ABCA6: variants seen among roughly 807,000 people sequenced by gnomAD.
ABCA6 encodes the protein ATP binding cassette subfamily A member 6.
A neutral mutation model predicts 191.2 loss-of-function variants in ABCA6; 164 were observed. The observed-to-expected ratio is 0.86, with a 90% confidence interval of 0.76 to 0.98. The LOEUF is 0.98. ABCA6 is among the 50% of genes least tolerant of loss of function. The pLI, the probability that ABCA6 is intolerant of heterozygous loss-of-function variation, is 0.00. For synonymous variants in ABCA6, 636 were observed against 647.7 expected (o/e 0.98, Z 0.27); for missense variants, 1,958 against 1,894.1 (o/e 1.03, Z -0.63).
intron 23 of ABCA6, 127 bp from the exon 24 acceptor site, chr17:69,096,928 A>G: frequency 2.6e-6 from 2 of 767,434 alleles, no homozygotes; most frequent in Non-Finnish European, 3.9e-6. Context: ...ATATTAAAAA[A>G]AATTATGCAT....
chr17:69,139,547 C>T (rs2073997710), intron 2 of ABCA6, among the ~76,000 whole-genome samples: 1 of 152,110 alleles, frequency 6.6e-6, no homozygotes, highest in Non-Finnish European at 1.5e-5. Context: ...GGTGATTCCT[C>T]AGGGATCTAG....
rs543368199 is a variant in ABCA6, at chr17:69,129,748, G to A, written c.795C>T (p.Leu265=). The change falls in exon 7 of 39, where the codon CTC becomes CTT. Residue 265 remains leucine (L), a synonymous_variant. Coordinates refer to ENST00000284425, the MANE Select transcript of ABCA6 (RefSeq NM_080284.3). ...MMGLQDSAFW[L]SWGLIYAGFI... ...AGCCAGCATAGATTAGACCCCAGGA[G>A]AGCCTAAATAAAGACAAAAAGTTAT... 7.0e-6 allele frequency: 11 copies of A among 1,574,000 alleles called. No homozygotes were observed. The East Asian group carries it at 2.2e-4, about 32-fold the overall frequency.
chr17:69,114,952 TA>T lies in ABCA6; in HGVS notation c.1607-16del. On this transcript the variant is annotated splice_polypyrimidine_tract_variant and intron_variant, in intron 12 of 38. Transcript: ENST00000284425. ...GGTAACTGATCCTAAGAATAGAAGTTAAAAATAAAATTGGCAAGATAATACA... is the reference window on the plus strand; with the variant it reads ...GGTAACTGATCCTAAGAATAGAAGTTAAAATAAAATTGGCAAGATAATACA... 1 of 1,569,914 alleles carries T rather than the reference TA, an allele frequency of 6.4e-7. No homozygotes were observed. Among genetic ancestry groups the T allele is most frequent in the Non-Finnish European group, 8.7e-7 (1 of 1,154,382 alleles).
At chr17:69,081,873 CTT>C (rs917324848) in intron 36 of ABCA6, among the ~76,000 whole-genome samples, 4 of 152,206 alleles carry the variant, frequency 2.6e-5, no homozygotes, top group Non-Finnish European at 5.9e-5. Flanking sequence ...ACATAAAACA[CTT>C]TAACAAAATA....
intron 23 of ABCA6, 101 bp downstream of exon 23, chr17:69,097,819 A>G (rs985393963): frequency 9.0e-6 from 7 of 775,218 alleles, no homozygotes; most frequent in South Asian, 2.4e-5. Flanking sequence ...TTAAACATAC[A>G]TTCAAATGTT....
Position 69,084,346 on chromosome 17 carries a change from C to G in ABCA6, c.4270G>C (p.Val1424Leu). 6.2e-7 allele frequency: 1 copy of G among 1,614,146 alleles called. No individual in the cohort carries two copies. Among genetic ancestry groups the G allele is most frequent in the Non-Finnish European group, 8.5e-7 (1 of 1,180,016 alleles). The change falls in exon 34 of 39, where the codon GTG becomes CTG. Residue 1424 changes from valine (V) to leucine (L), a missense_variant. Val to Leu is a conservative substitution (Grantham distance 32). Transcript: ENST00000284425. Reference sequence around the variant, plus strand: ...GGTGAGTTTCCCAGGAGGCTCAGCACAAAACACAACTGCAATGTAGAAAAA... The same window carrying G: ...GGTGAGTTTCCCAGGAGGCTCAGCAGAAAACACAACTGCAATGTAGAAAAA... ...TAGITRKLCF[V>L]LSLLGNSPVL... is the part of the protein sequence containing the mutation.
chr17:69,107,029 T>C (rs2073321890), intron 18 of ABCA6, among the ~76,000 whole-genome samples: 1 of 152,168 alleles, frequency 6.6e-6, no homozygotes, highest in South Asian at 2.1e-4. Context: ...TACTAAGGTA[T>C]CAATCATTTA....
chr17:69,112,382 C>G, intron 15 of ABCA6, 109 bp from the exon 16 acceptor site: 1 of 766,466 alleles, frequency 1.3e-6, no homozygotes, highest in Non-Finnish European at 2.2e-6. Flanking sequence ...AAGTATTCAA[C>G]AGGGTATAAC....
intron 36 of ABCA6, among the ~76,000 whole-genome samples, chr17:69,082,220 T>C (rs1039625418): frequency 6.6e-6 from 1 of 152,114 alleles, no homozygotes; most frequent in Non-Finnish European, 1.5e-5. Flanking sequence ...AATAAAATAG[T>C]AGCTTTTATG....
chr17:69,096,922 TAA>T, intron 23 of ABCA6, 121 bp from the exon 24 acceptor site: 1 of 828,390 alleles, frequency 1.2e-6, no homozygotes. Context: ...CTTCTAATAT[TAA>T]AAAAAATTAT....
chr17:69,085,865 G>A, intron 30 of ABCA6, 149 bp from the exon 31 acceptor site: 1 of 596,138 alleles, frequency 1.7e-6, no homozygotes, highest in South Asian at 2.2e-5. Flanking sequence ...CGTCACCAAA[G>A]CATGTTCTTT....
intron 16 of ABCA6, 65 bp downstream of exon 16, chr17:69,112,118 T>C: frequency 2.5e-6 from 3 of 1,193,304 alleles, no homozygotes; most frequent in South Asian, 2.5e-5. Context: ...GTTTCATAAT[T>C]GTCCACCTTT....
In ABCA6 at chr17:69,082,969, T is replaced by C; in HGVS notation, c.4520A>G (p.Asp1507Gly). ...CTTCACTTTTAGCTCTAGAATGTAA[T>C]CCTTGCCAAGTTTGTTTTTCAGGTG... Reference protein sequence around the residue: ...IQHLKNKLGKDYILELKVKET... With the variant: ...IQHLKNKLGKGYILELKVKET... The change falls in exon 36 of 39, where the codon GAT (aspartate) becomes GGT (glycine). Residue 1507 changes from aspartate to glycine, a missense_variant. By Grantham distance (94) the Asp-to-Gly change is moderately conservative. Transcript: ENST00000284425. 6.8e-6 allele frequency: 11 copies of C among 1,614,192 alleles called. No individual in the cohort carries two copies. Among genetic ancestry groups the C allele is most frequent in the Non-Finnish European group, 7.6e-6 (9 of 1,180,028 alleles).
chr17:69,107,832 A>G lies in ABCA6; in HGVS notation c.2273-20T>C. ...AAAGATCTAAGGCAAAAAAATATGA[A>G]TAGATACTTTGGAAAACCACATTGA... On this transcript the variant is annotated intron_variant, in intron 17 of 38. Coordinates refer to ENST00000284425, the MANE Select transcript of ABCA6 (RefSeq NM_080284.3). 1 of 1,446,714 alleles carries G rather than the reference A, an allele frequency of 6.9e-7. No homozygotes were observed. The highest frequency in any genetic ancestry group is 9.7e-7 in the Non-Finnish European group (1 of 1,035,390). 89.6% of individuals were successfully genotyped at this position (1,446,714 alleles called of 1,614,324 possible).
intron 35 of ABCA6, 58 bp downstream of exon 35, chr17:69,083,154 C>T (rs1170199032): frequency 6.4e-7 from 1 of 1,561,044 alleles, no homozygotes; most frequent in African/African-American, 1.4e-5. Flanking sequence ...GGATTTTTGC[C>T]CTTTCCATGG....
intron 21 of ABCA6, 31 bp from the exon 22 acceptor site, chr17:69,100,965 T>C (rs776600255): frequency 2.3e-5 from 35 of 1,535,040 alleles, no homozygotes; most frequent in Non-Finnish European, 3.1e-5. Context: ...ATAATGTTAA[T>C]GCTAAATTCT....
intron 11 of ABCA6, 123 bp downstream of exon 11, chr17:69,117,775 G>A (rs112079238): frequency 2.0e-4 from 131 of 661,780 alleles, no homozygotes; most frequent in African/African-American, 1.5e-3. Flanking sequence ...AAGTGATAGC[G>A]TTATTTATAT....
At chr17:69,140,580 G>T (rs572377812) in intron 2 of ABCA6, 28 bp downstream of exon 2, 2 of 1,486,018 alleles carry the variant, frequency 1.3e-6, no homozygotes, top group South Asian at 2.5e-5. Context: ...AGTGCTAACC[G>T]TGGAAAGAGA....
chr17:69,115,174 T>TC (rs1396967484), intron 12 of ABCA6, among the ~76,000 whole-genome samples: 1 of 152,094 alleles, frequency 6.6e-6, no homozygotes, highest in African/African-American at 2.4e-5. Context: ...CCCTGAAATA[T>TC]CACACAATGG....
Sources: gnomAD v4.1 joint callset for allele counts (sites outside exome capture counted in the v4.1 genomes callset) on GRCh38, gnomAD v4.1.1 for gene constraint, MANE v1.5 for transcripts, NCBI Gene and HGNC (gene_info 2026-07-23, HGNC 2026-07-21) for gene names.